CHRNB4: variants seen among roughly 807,000 people sequenced by gnomAD.
The protein encoded by CHRNB4 is cholinergic receptor nicotinic beta 4 subunit.
In CHRNB4, 23 loss-of-function variants were observed where a neutral mutation model predicts 40.4. That is an observed-to-expected ratio of 0.57 (90% CI 0.41 to 0.81). The LOEUF is 0.81. Among genes scored for constraint, CHRNB4 ranks in the 30% least tolerant of loss-of-function variants. CHRNB4 has a pLI of 0.00. For synonymous variants in CHRNB4, 285 were observed against 274.4 expected (o/e 1.04, Z -0.38); for missense variants, 568 against 670.6 (o/e 0.85, Z 1.69).
At chr15:78,630,515 T>C (rs1270127421) in intron 4 of CHRNB4, among the ~76,000 whole-genome samples, 2 of 152,156 alleles carry the variant, frequency 1.3e-5, no homozygotes, top group African/African-American at 2.4e-5. Context: ...GTTTTATTAT[T>C]ATCCCCATTC....
chr15:78,632,763 G>T (rs1007007616), intron 2 of CHRNB4, among the ~76,000 whole-genome samples: 3 of 151,896 alleles, frequency 2.0e-5, no homozygotes, highest in Non-Finnish European at 4.4e-5. Context: ...AATATTTTTT[G>T]AATATACAGG....
Position 78,625,242 on chromosome 15 carries a change from A to G in CHRNB4, c.1388T>C (p.Leu463Pro). The stretch of plus-strand genomic sequence containing the variant: ...GACGCACACAAACATGAACACCCAC[A>G]GGAACAGCCGGTCCACCACCATAGC... ...YVAMVVDRLF[L>P]WVFMFVCVLG... Residue 463 changes from leucine (L) to proline (P), a missense_variant, in exon 6 of 6, where the codon CTG becomes CCG. Coordinates refer to ENST00000261751, the MANE Select transcript of CHRNB4 (RefSeq NM_000750.5). 1.3e-6 allele frequency: 2 copies of G among 1,573,546 alleles called. No homozygotes were observed. Among genetic ancestry groups the G allele is most frequent in the East Asian group, 4.5e-5 (2 of 44,464 alleles).
upstream of CHRNB4, among the ~76,000 whole-genome samples, chr15:78,643,385 G>C (rs1276735819): frequency 2.0e-5 from 3 of 151,756 alleles, no homozygotes; most frequent in Admixed American, 2.0e-4. Context: ...AAAGTGCTGG[G>C]ATTACAGGCA....
Position 78,629,300 on chromosome 15 carries a change from G to A in CHRNB4, c.1005C>T (p.Arg335=), listed in dbSNP as rs962555635. 4.3e-6 allele frequency: 7 copies of A among 1,613,872 alleles called. No homozygotes were observed. The highest frequency in any genetic ancestry group is 5.9e-6 in the Non-Finnish European group (7 of 1,179,884). ...AGGTAGGCAGCTTGTGCAGGAAGCA[G>A]CGCTTGACCCAGGGTGCCATGGTGT... ...STHTMAPWVK[R]CFLHKLPTFL... Residue 335 remains arginine (R), a synonymous_variant, in exon 5 of 6, where the codon CGC becomes CGT. Transcript: ENST00000261751. The surrounding 1 kb of genome is among the most constrained non-coding windows in gnomAD (Gnocchi z 6.8).
At chr15:78,661,052 A>G (rs2054248549), upstream of CHRNB4, 1 of 587,846 alleles carries the variant, frequency 1.7e-6, no homozygotes, top group South Asian at 1.4e-5. Context: ...TAGTTTTTGT[A>G]GTCTCGGCTG....
intron 2 of CHRNB4, among the ~76,000 whole-genome samples, chr15:78,658,028 C>CTTTTTTTTTTTTT (rs71448810): frequency 3.3e-5 from 3 of 90,506 alleles, no homozygotes; most frequent in Admixed American, 1.5e-4. Flanking sequence ...TCTTGTTTCT[C>CTTTTTTTTTTTTT]TTTTTTTTTT....
chr15:78,642,587 G>A (rs1217989854), upstream of CHRNB4, among the ~76,000 whole-genome samples: 1 of 152,142 alleles, frequency 6.6e-6, no homozygotes, highest in Admixed American at 6.5e-5. Flanking sequence ...TGTATCCCTG[G>A]CTTTATCGGA....
At chr15:78,648,527 G>A (rs551774256) in intron 7 of CHRNB4, among the ~76,000 whole-genome samples, 10 of 151,864 alleles carry the variant, frequency 6.6e-5, no homozygotes, top group African/African-American at 1.9e-4. Flanking sequence ...AGGCCGAGGC[G>A]GATGGATCAC....
rs2053732115 is a variant in CHRNB4, at chr15:78,629,148, G to A, written c.1157C>T (p.Ser386Phe). Residue 386 changes from serine to phenylalanine, a missense_variant, in exon 5 of 6, where the codon TCC becomes TTC. Coordinates refer to ENST00000261751, the MANE Select transcript of CHRNB4 (RefSeq NM_000750.5). This position sits in a 1 kb window ranked among gnomAD's most constrained non-coding sequence, Gnocchi z 6.8. The stretch of plus-strand genomic sequence containing the variant: ...AGAGGCGGGGTTCACAAAGTACATG[G>A]AGTTCCCATAGAAGTTGGAGGGGCT... ...STSPSNFYGN[S>F]MYFVNPASAA... The A allele has an allele frequency of 5.0e-6, 8 of 1,614,178 alleles. No homozygotes were observed. The highest frequency in any genetic ancestry group is 1.3e-5 in the African/African-American group (1 of 75,054).
intron 4 of CHRNB4, chr15:78,656,132 G>GT (rs1216480014): frequency 6.6e-6 from 1 of 152,088 alleles, no homozygotes; most frequent in African/African-American, 2.4e-5. Context: ...GAGGTCAGGA[G>GT]TTTGAGACCA....
Position 78,651,374 on chromosome 15 carries a change from C to T in CHRNB4, c.-16+1204G>A, listed in dbSNP as rs147943210. 6.3e-3 allele frequency among the ~76,000 whole-genome samples: 959 copies of T among 152,308 alleles called. 16 individuals are homozygous for T. The highest frequency in any genetic ancestry group is 0.036 in the East Asian group (184 of 5,168). ...TGGCAAATGCCAGCTTGTCCTCACT[C>T]TGCCCTGAGTCCAGCTCTTCTCCCC... On this transcript the variant is annotated intron_variant and NMD_transcript_variant, in intron 6 of 11. Coordinates refer to the CHRNB4 transcript ENST00000559849.
At chr15:78,642,142 T>C (rs1413364017), upstream of CHRNB4, among the ~76,000 whole-genome samples, 2 of 151,908 alleles carry the variant, frequency 1.3e-5, no homozygotes, top group Non-Finnish European at 2.9e-5. Flanking sequence ...CTCTCAGTCT[T>C]GCTTTCATAT....
At chr15:78,631,360 C>T in intron 2 of CHRNB4, 28 bp from the exon 3 acceptor site, 1 of 1,609,750 alleles carries the variant, frequency 6.2e-7, no homozygotes, top group South Asian at 1.1e-5. Context: ...GCTATCAGTT[C>T]ACCAGGAAGG....
chr15:78,634,727 C>T (rs762897534), intron 2 of CHRNB4: 15 of 455,884 alleles, frequency 3.3e-5, no homozygotes, highest in African/African-American at 6.0e-5. Flanking sequence ...CTTCCAGGGA[C>T]GGAGTTCTAA....
intron 5 of CHRNB4, 106 bp downstream of exon 5, chr15:78,628,861 T>G: frequency 7.1e-6 from 10 of 1,400,494 alleles, no homozygotes; most frequent in Non-Finnish European, 9.7e-6. Context: ...ATTCAGAGTT[T>G]GAGAGTCCTT....
At chr15:78,661,231 A>G, upstream of CHRNB4, 2 of 608,776 alleles carry the variant, frequency 3.3e-6, no homozygotes, top group Non-Finnish European at 3.2e-6. Flanking sequence ...GTCCAGGGCC[A>G]GCTGGTCAAA....
chr15:78,641,172 T>C lies in CHRNB4; in HGVS notation c.-39A>G. 1 of 1,529,128 alleles carries C rather than the reference T, an allele frequency of 6.5e-7. No individual in the cohort carries two copies. Among genetic ancestry groups the C allele is most frequent in the Admixed American group, 2.0e-5 (1 of 49,044 alleles). The allele number at this position is 1,529,128 out of a possible 1,614,324, so 94.7% of individuals were successfully genotyped here. On this transcript the variant is annotated 5_prime_UTR_variant, in exon 1 of 6. Coordinates refer to ENST00000261751, the MANE Select transcript of CHRNB4 (RefSeq NM_000750.5). ...GGGTGGCAGCCGCCGCGAGCTCCGC[T>C]GTGGGGTCACAGGGCACCCGTGAGC...
intron 6 of CHRNB4, among the ~76,000 whole-genome samples, chr15:78,651,250 AAAAC>A (rs903700674): frequency 6.6e-6 from 1 of 152,156 alleles, no homozygotes; most frequent in Non-Finnish European, 1.5e-5. Context: ...GGATAAAACA[AAAAC>A]AAAACAAAAA....
chr15:78,660,336 C>T (rs953822544), intron 1 of CHRNB4, among the ~76,000 whole-genome samples: 14 of 152,228 alleles, frequency 9.2e-5, no homozygotes, highest in African/African-American at 3.1e-4. Context: ...TACACTGCAG[C>T]TTCAATAAAA....
Sources: gnomAD v4.1 joint callset for allele counts (sites outside exome capture counted in the v4.1 genomes callset) on GRCh38, gnomAD v4.1.1 for gene constraint, Gnocchi (gnomAD v3.1) non-coding constraint, MANE v1.5 for transcripts, NCBI Gene and HGNC (gene_info 2026-07-23, HGNC 2026-07-21) for gene names.